MRC1: variants seen among roughly 807,000 people sequenced by gnomAD.
MRC1 encodes the protein mannose receptor C-type 1.
MRC1 carries 62 observed loss-of-function variants against 102.9 expected under a neutral mutation model. The ratio of observed to expected loss-of-function variants is 0.60; its 90% confidence interval spans 0.49 to 0.74. MRC1 has a LOEUF of 0.74. MRC1 is among the 30% of genes least tolerant of loss of function. MRC1 has a pLI of 0.00. For synonymous variants in MRC1, 457 were observed against 298.4 expected, an observed-to-expected ratio of 1.53 and a Z score of -5.48; for missense variants, 1,237 against 862.8, an observed-to-expected ratio of 1.43 and a Z score of -5.43.
intron 22 of MRC1, among the ~76,000 whole-genome samples, chr10:17,891,436 G>A (rs1299672548): frequency 1.3e-5 from 2 of 152,108 alleles, no homozygotes; most frequent in Non-Finnish European, 1.5e-5. Context: ...GAAGTGCTGG[G>A]ATTACAGGCG....
chr10:17,815,568 G>A (rs1174168059), intron 1 of MRC1, among the ~76,000 whole-genome samples: 1 of 152,132 alleles, frequency 6.6e-6, no homozygotes, highest in Non-Finnish European at 1.5e-5. Flanking sequence ...TACTGACTTG[G>A]GAGCGAATGG....
At chr10:17,814,611 C>A (rs1838277018) in intron 1 of MRC1, among the ~76,000 whole-genome samples, 1 of 151,440 alleles carries the variant, frequency 6.6e-6, no homozygotes, top group South Asian at 2.1e-4. Flanking sequence ...AAGAAGATAA[C>A]CCTCCACACC....
chr10:17,894,742 T>A (rs1472978076), intron 23 of MRC1, among the ~76,000 whole-genome samples: 1 of 152,134 alleles, frequency 6.6e-6, no homozygotes. Flanking sequence ...CCAGGATACA[T>A]GTACAGAACA....
intron 2 of MRC1, among the ~76,000 whole-genome samples, chr10:17,825,044 G>A (rs920655376): frequency 1.8e-3 from 276 of 152,116 alleles, no homozygotes; most frequent in African/African-American, 6.2e-3. Context: ...GTGATTCTGT[G>A]GCATAGGGTC....
At chr10:17,843,956 G>A (rs1554840030) in intron 5 of MRC1, among the ~76,000 whole-genome samples, 1 of 152,218 alleles carries the variant, frequency 6.6e-6, no homozygotes, top group East Asian at 1.9e-4. Context: ...GGTGGAAGGT[G>A]AAGCTAGTTT....
At chr10:17,874,619 G>T (rs1040051301) in intron 16 of MRC1, among the ~76,000 whole-genome samples, 1 of 152,078 alleles carries the variant, frequency 6.6e-6, no homozygotes, top group Non-Finnish European at 1.5e-5. Flanking sequence ...GTTGGAGAAA[G>T]CCTGAGGGGC....
At chr10:17,847,346 C>A (rs933383380) in intron 6 of MRC1, among the ~76,000 whole-genome samples, 1,553 of 152,306 alleles carry the variant, frequency 0.01, 41 homozygotes, top group African/African-American at 0.034. Context: ...CATGACTCTT[C>A]TTCCTGAGAT....
At chr10:17,885,731 A>G (rs1438011190) in intron 22 of MRC1, among the ~76,000 whole-genome samples, 2 of 151,966 alleles carry the variant, frequency 1.3e-5, no homozygotes, top group African/African-American at 4.8e-5. Context: ...CTTTCTTTGT[A>G]TCACCTTCCC....
chr10:17,810,014 A>G lies in MRC1; in HGVS notation c.61+488A>G, dbSNP rs569798590. Among the ~76,000 whole-genome samples the G allele has an allele frequency of 2.4e-4, 36 of 152,072 alleles. No homozygotes were observed. In the South Asian group the frequency reaches 7.5e-3, roughly 32 times the overall value. On this transcript the variant is annotated intron_variant, in intron 1 of 29. Coordinates refer to ENST00000569591, the MANE Select transcript of MRC1 (RefSeq NM_002438.4). ...ATCCCCCCAAAAGAGATTCTAAGCA[A>G]TTTCCATACTCATTTTTTTTTCTGC...
At chr10:17,857,759 C>A (rs1833117063) in intron 9 of MRC1, among the ~76,000 whole-genome samples, 1 of 152,150 alleles carries the variant, frequency 6.6e-6, no homozygotes, top group Non-Finnish European at 1.5e-5. Context: ...TCTGCCTGGG[C>A]TTTGGCATAC....
At chr10:17,903,655 C>T (rs987470586) in intron 26 of MRC1, among the ~76,000 whole-genome samples, 53 of 152,132 alleles carry the variant, frequency 3.5e-4, no homozygotes, top group African/African-American at 1.2e-3. Context: ...CTCGGCTTCC[C>T]AAAGTACTGG....
intron 22 of MRC1, among the ~76,000 whole-genome samples, chr10:17,893,833 A>G (rs1014370794): frequency 6.6e-6 from 1 of 152,214 alleles, no homozygotes; most frequent in African/African-American, 2.4e-5. Flanking sequence ...TTCCCTTTAA[A>G]AATATGGTAC....
chr10:17,840,368 C>T (rs1194949150), intron 4 of MRC1, among the ~76,000 whole-genome samples: 21 of 152,140 alleles, frequency 1.4e-4, no homozygotes, highest in Admixed American at 1.4e-3. Flanking sequence ...TTCATATTCA[C>T]ACAAGAAGAC....
intron 9 of MRC1, among the ~76,000 whole-genome samples, chr10:17,859,818 G>A (rs1833155282): frequency 6.6e-6 from 1 of 152,116 alleles, no homozygotes; most frequent in Non-Finnish European, 1.5e-5. Context: ...CATACAATGT[G>A]GATAGCATAA....
intron 3 of MRC1, among the ~76,000 whole-genome samples, 199 bp from the exon 4 acceptor site, chr10:17,833,474 TCA>T (rs1255132896): frequency 4.5e-5 from 6 of 131,872 alleles, no homozygotes; most frequent in Admixed American, 4.5e-4. Context: ...TGAGCCAGAA[TCA>T]CAGCACTGCA....
At chr10:17,810,167 A>C (rs930296556) in intron 1 of MRC1, among the ~76,000 whole-genome samples, 4 of 152,206 alleles carry the variant, frequency 2.6e-5, no homozygotes, top group African/African-American at 4.8e-5. Context: ...ATTACTCATT[A>C]GGAACAGCTC....
chr10:17,815,692 A>T (rs1838300161), intron 1 of MRC1, among the ~76,000 whole-genome samples: 1 of 152,246 alleles, frequency 6.6e-6, no homozygotes, highest in African/African-American at 2.4e-5. Context: ...CATATTATGT[A>T]CTTTTCCAAA....
At chr10:17,890,072 A>C (rs1833651830) in intron 22 of MRC1, among the ~76,000 whole-genome samples, 2 of 152,150 alleles carry the variant, frequency 1.3e-5, no homozygotes, top group Admixed American at 1.3e-4. Context: ...TCACTTCTTA[A>C]GGACAATTTC....
intron 8 of MRC1, among the ~76,000 whole-genome samples, chr10:17,854,512 G>T (rs1833048807): frequency 6.6e-6 from 1 of 152,006 alleles, no homozygotes; most frequent in African/African-American, 2.4e-5. Context: ...TGAAGTCAGA[G>T]CCGGAAGGGT....
Sources: gnomAD v4.1 joint callset for allele counts (sites outside exome capture counted in the v4.1 genomes callset) on GRCh38, gnomAD v4.1.1 for gene constraint, MANE v1.5 for transcripts, NCBI Gene and HGNC (gene_info 2026-07-23, HGNC 2026-07-21) for gene names.